PCDHA9: variants seen among roughly 807,000 people sequenced by gnomAD.
PCDHA9 encodes the protein protocadherin alpha-9.
A neutral mutation model predicts 62.0 loss-of-function variants in PCDHA9; 62 were observed. The observed-to-expected ratio is 1.00, with a 90% CI of 0.81 to 1.23. The LOEUF (loss-of-function observed/expected upper bound fraction) is 1.23, where lower values mean the gene tolerates loss of function less well. Among genes scored for constraint, PCDHA9 ranks in the 50% most tolerant of loss-of-function variants. The pLI, the probability that PCDHA9 is intolerant of heterozygous loss-of-function variation, is 0.00. For synonymous variants in PCDHA9, 557 were observed against 567.6 expected, an observed-to-expected ratio of 0.98 and a Z score of 0.27; for missense variants, 1,205 against 1,249.8, an observed-to-expected ratio of 0.96 and a Z score of 0.54.
intron 1 of PCDHA9, among the ~76,000 whole-genome samples, chr5:140,954,496 T>G (rs571286912): frequency 2.3e-4 from 35 of 152,256 alleles, no homozygotes; most frequent in Non-Finnish European, 2.8e-4. Context: ...CATTGTGGTT[T>G]TGATTTGCAT....
chr5:140,994,318 C>G (rs782231160), intron 3 of PCDHA9, among the ~76,000 whole-genome samples: 18 of 152,300 alleles, frequency 1.2e-4, no homozygotes, highest in Non-Finnish European at 1.6e-4. Context: ...CCCAAACACT[C>G]TCAGCAACCA....
chr5:140,850,927 T>C, intron 1 of PCDHA9, 38 bp downstream of exon 1: 1 of 1,521,264 alleles, frequency 6.6e-7, no homozygotes, highest in Non-Finnish European at 8.8e-7. Flanking sequence ...TATATAATTT[T>C]TTTTCTTGAA....
chr5:140,850,555 C>T lies in PCDHA9; in HGVS notation c.2060C>T (p.Thr687Met), dbSNP rs1562471328. The T allele has an allele frequency of 1.3e-6, 2 of 1,598,250 alleles. No homozygotes were observed. Among genetic ancestry groups the T allele is most frequent in the South Asian group, 1.1e-5 (1 of 90,538 alleles). Residue 687 changes from threonine to methionine, a missense_variant, in exon 1 of 4, where the codon ACG becomes ATG. Physicochemically the swap from Thr to Met is moderately conservative, Grantham distance 81. Transcript: ENST00000532602. ...KSSSRASVGA[T>M]GPEVTLVDVN... ...TCGTCGCGGGCGTCAGTGGGTGCCACGGGCCCCGAGGTGACGCTGGTGGAT... is the reference window on the plus strand; with the variant it reads ...TCGTCGCGGGCGTCAGTGGGTGCCATGGGCCCCGAGGTGACGCTGGTGGAT...
At position 140,857,548 on chromosome 5, in the gene PCDHA9, G is replaced by A. The variant is rs782667639; in HGVS notation, c.2394+6659G>A. On this transcript the variant is annotated intron_variant, in intron 1 of 3. Transcript: ENST00000532602. ...CTCTGGTGGAGCGGCGGTTGGGCGA[G>A]CGCTCGCTGTCGAGCTACGTGTCGG... The A allele has an allele frequency of 5.6e-6, 9 of 1,596,888 alleles. No individual in the cohort carries two copies. In the East Asian group the frequency reaches 1.8e-4, roughly 32 times the overall value.
chr5:140,870,263 C>T (rs1581940012), intron 1 of PCDHA9: 2 of 1,614,182 alleles, frequency 1.2e-6, no homozygotes, highest in East Asian at 4.5e-5. Flanking sequence ...GTGACCTGCT[C>T]GCTGACGCCC....
Position 141,010,327 on chromosome 5 carries a change from G to T in PCDHA9, c.*390G>T, listed in dbSNP as rs2098416942. 5 of 1,539,742 alleles carry T rather than the reference G, an allele frequency of 3.2e-6. No individual in the cohort carries two copies. The highest frequency in any genetic ancestry group is 2.4e-5 in the South Asian group (2 of 82,532). On this transcript the variant is annotated 3_prime_UTR_variant, in exon 4 of 4. Transcript: ENST00000532602. ...AAAGTTTTGAGATTGAGCAGCTTGGGAGTTTGTGGCCACTGGGTATGTGTG... is the reference window on the plus strand; with the variant it reads ...AAAGTTTTGAGATTGAGCAGCTTGGTAGTTTGTGGCCACTGGGTATGTGTG...
At chr5:140,942,950 T>G (rs1461424409) in intron 1 of PCDHA9, among the ~76,000 whole-genome samples, 1 of 151,716 alleles carries the variant, frequency 6.6e-6, no homozygotes, top group Non-Finnish European at 1.5e-5. Context: ...AGTGTAGACG[T>G]TCTGTTATCA....
intron 3 of PCDHA9, 167 bp from the exon 4 acceptor site, chr5:141,009,456 CAAAT>C (rs2098408902): frequency 8.4e-6 from 8 of 947,642 alleles, no homozygotes; most frequent in African/African-American, 3.5e-5. Context: ...AAAAATTAAA[CAAAT>C]AAATAAATAA....
chr5:140,896,283 T>TG (rs1440417603), intron 1 of PCDHA9, among the ~76,000 whole-genome samples: 4 of 152,258 alleles, frequency 2.6e-5, no homozygotes, highest in Admixed American at 6.5e-5. Context: ...CTGGCTTGAA[T>TG]GGTAAGTTCT....
chr5:140,920,854 A>C (rs1369314704), intron 1 of PCDHA9, among the ~76,000 whole-genome samples: 1 of 152,006 alleles, frequency 6.6e-6, no homozygotes, highest in East Asian at 1.9e-4. Context: ...AAAAAAAAAA[A>C]AAAACAAACA....
chr5:140,997,864 C>A (rs2097788719), intron 3 of PCDHA9, among the ~76,000 whole-genome samples: 1 of 152,100 alleles, frequency 6.6e-6, no homozygotes, highest in South Asian at 2.1e-4. Context: ...ATTTCTTATG[C>A]ATGCTTGCTA....
At chr5:140,938,752 A>G (rs1213369856) in intron 1 of PCDHA9, among the ~76,000 whole-genome samples, 1 of 152,146 alleles carries the variant, frequency 6.6e-6, no homozygotes, top group Non-Finnish European at 1.5e-5. Flanking sequence ...TTTTAAAGGC[A>G]TAGTTATTGG....
At chr5:140,886,905 A>G (rs2061220299) in intron 1 of PCDHA9, among the ~76,000 whole-genome samples, 2 of 152,010 alleles carry the variant, frequency 1.3e-5, no homozygotes, top group Admixed American at 1.3e-4. Flanking sequence ...TTTAATAAAT[A>G]CTTATTGAGT....
At chr5:140,972,344 C>T (rs1379310170) in intron 1 of PCDHA9, among the ~76,000 whole-genome samples, 26 of 151,148 alleles carry the variant, frequency 1.7e-4, no homozygotes, top group African/African-American at 6.3e-4. Context: ...AGATGGGGGT[C>T]TCACTATGTT....
At chr5:140,874,185 G>A (rs551629220) in intron 1 of PCDHA9, among the ~76,000 whole-genome samples, 33 of 152,158 alleles carry the variant, frequency 2.2e-4, no homozygotes, top group Non-Finnish European at 4.6e-4. Context: ...TTGTAAAGGT[G>A]TCATATTTCA....
chr5:140,866,561 T>C (rs2049423335), intron 1 of PCDHA9: 1 of 152,136 alleles, frequency 6.6e-6, no homozygotes, highest in Non-Finnish European at 1.5e-5. Context: ...TCCTATAATT[T>C]TGTTAATACA....
intron 1 of PCDHA9, chr5:140,864,334 G>T (rs1303822617): frequency 6.6e-6 from 1 of 152,076 alleles, no homozygotes; most frequent in Non-Finnish European, 1.5e-5. Flanking sequence ...AATTATTTGA[G>T]TTTAAAACAT....
chr5:140,976,378 C>G (rs908008970), intron 1 of PCDHA9, among the ~76,000 whole-genome samples: 2 of 151,926 alleles, frequency 1.3e-5, no homozygotes, highest in Non-Finnish European at 2.9e-5. Flanking sequence ...TGGTGAAACC[C>G]CATCTCTACT....
intron 1 of PCDHA9, among the ~76,000 whole-genome samples, chr5:140,941,259 T>TTCTTTCTTTC (rs1554214226): frequency 2.6e-4 from 32 of 121,828 alleles, no homozygotes; most frequent in African/African-American, 6.8e-4. Flanking sequence ...TTCTTTCTCT[T>TTCTTTCTTTC]TCTTTCTTTC....
Sources: gnomAD v4.1 joint callset for allele counts (sites outside exome capture counted in the v4.1 genomes callset) on GRCh38, gnomAD v4.1.1 for gene constraint, MANE v1.5 for transcripts, NCBI Gene and HGNC (gene_info 2026-07-23, HGNC 2026-07-21) for gene names.